ELOVL2: variants seen among roughly 807,000 people sequenced by gnomAD.
The protein encoded by ELOVL2 is very long chain fatty acid elongase 2.
Under a neutral mutation model 37.7 loss-of-function variants are expected in ELOVL2, and 38 were observed. The observed-to-expected ratio is 1.01, with a 90% CI of 0.78 to 1.32. The LOEUF is 1.32. Ranked by LOEUF, ELOVL2 falls within the 40% of genes most tolerant of loss-of-function variation. ELOVL2 has a pLI of 0.00. For synonymous variants in ELOVL2, 115 were observed against 122.3 expected (o/e 0.94, Z 0.40); for missense variants, 352 against 363.6 (o/e 0.97, Z 0.26).
intron 7 of ELOVL2, among the ~76,000 whole-genome samples, chr6:10,989,236 G>A (rs995396679): frequency 5.3e-5 from 8 of 152,204 alleles, no homozygotes; most frequent in Non-Finnish European, 1.2e-4. Flanking sequence ...TTGAGGAGGA[G>A]GGTGTGGAGA....
At chr6:11,041,899 C>T (rs1783103142) in intron 1 of ELOVL2, among the ~76,000 whole-genome samples, 1 of 152,112 alleles carries the variant, frequency 6.6e-6, no homozygotes, top group African/African-American at 2.4e-5. Context: ...AGATATCTTA[C>T]AAGACAGTTC....
intron 6 of ELOVL2, 40 bp from the exon 7 acceptor site, chr6:10,989,877 G>A (rs1383058567): frequency 6.2e-7 from 1 of 1,612,804 alleles, no homozygotes; most frequent in Non-Finnish European, 8.5e-7. Flanking sequence ...AGCGAGCCAG[G>A]CTGTGCCACA....
Position 11,005,398 on chromosome 6 carries a change from G to A in ELOVL2, c.229C>T (p.Leu77Phe). 2 of 1,613,924 alleles carry A rather than the reference G, an allele frequency of 1.2e-6. No homozygotes were observed. Among genetic ancestry groups the A allele is most frequent in the Non-Finnish European group, 1.7e-6 (2 of 1,179,976 alleles). The change falls in exon 3 of 8, where the codon CTT (leucine) becomes TTT (phenylalanine). Residue 77 changes from leucine to phenylalanine, a missense_variant. Physicochemically the swap from Leu to Phe is conservative, Grantham distance 22 (BLOSUM62 0). Coordinates refer to ENST00000354666, the MANE Select transcript of ELOVL2 (RefSeq NM_017770.4). ...ILTLYNLGIT[L>F]LSAYMLAELI... ...TCTGCCAGCATGTACGCGGAGAGAA[G>A]TGTGATTCCAAGATTATACAAGGTG...
intron 1 of ELOVL2, among the ~76,000 whole-genome samples, chr6:11,022,785 G>A (rs1782783603): frequency 6.6e-6 from 1 of 151,900 alleles, no homozygotes; most frequent in Non-Finnish European, 1.5e-5. Context: ...CAAGTTTAAG[G>A]AAACTCACTT....
At chr6:11,000,804 CA>C (rs1002228358) in intron 3 of ELOVL2, among the ~76,000 whole-genome samples, 1 of 152,192 alleles carries the variant, frequency 6.6e-6, no homozygotes, top group Non-Finnish European at 1.5e-5. Context: ...GTACCTGCTA[CA>C]TGGTAAGTGT....
intron 1 of ELOVL2, among the ~76,000 whole-genome samples, chr6:11,041,539 T>C (rs1414944097): frequency 1.3e-5 from 2 of 152,204 alleles, no homozygotes; most frequent in African/African-American, 4.8e-5. Context: ...AACAGTAAAA[T>C]ATCCTACAAA....
chr6:11,043,471 C>CACACACA (rs1554114356), intron 1 of ELOVL2: 1 of 140,560 alleles, frequency 7.1e-6, no homozygotes, highest in African/African-American at 2.8e-5. Flanking sequence ...CGGGTGAACA[C>CACACACA]ACACACACAC....
chr6:10,983,056 TG>T lies in ELOVL2; in HGVS notation c.*724del, dbSNP rs1001608544. ...CAAGAGGGAGACATGAACAGATGAA[TG>T]ATTAGGGAAACAGAGGAACAATCCT... On this transcript the variant is annotated 3_prime_UTR_variant, in exon 8 of 8. Coordinates refer to ENST00000354666, the MANE Select transcript of ELOVL2 (RefSeq NM_017770.4). 1 of 152,212 alleles carries T rather than the reference TG, an allele frequency of 6.6e-6. No homozygotes were observed. The highest frequency in any genetic ancestry group is 2.4e-5 in the African/African-American group (1 of 41,454). 9.4% of individuals were successfully genotyped at this position (152,212 alleles called of 1,614,324 possible).
intron 5 of ELOVL2, among the ~76,000 whole-genome samples, chr6:10,992,311 G>C (rs1183034024): frequency 6.6e-6 from 1 of 152,160 alleles, no homozygotes; most frequent in African/African-American, 2.4e-5. Context: ...CTGGAACAAA[G>C]TCATTTTGAC....
chr6:11,005,333 T>C (rs1477605873), intron 3 of ELOVL2, 39 bp downstream of exon 3: 1 of 1,564,334 alleles, frequency 6.4e-7, no homozygotes, highest in Non-Finnish European at 8.7e-7. Flanking sequence ...TAAAAACTGC[T>C]AGTTACTGGA....
At chr6:11,005,160 A>G (rs999230482) in intron 3 of ELOVL2, among the ~76,000 whole-genome samples, 2 of 149,748 alleles carry the variant, frequency 1.3e-5, no homozygotes, top group Non-Finnish European at 1.5e-5. Flanking sequence ...CTCCATCTCA[A>G]AAAAAAAAAG....
chr6:11,005,625 C>T, intron 2 of ELOVL2, 66 bp from the exon 3 acceptor site: 1 of 1,343,062 alleles, frequency 7.4e-7, no homozygotes, highest in East Asian at 2.4e-5. Flanking sequence ...TCAGTATTGT[C>T]ACATACATTG....
intron 1 of ELOVL2, among the ~76,000 whole-genome samples, chr6:11,033,060 G>T (rs964256396): frequency 3.1e-4 from 47 of 152,090 alleles, no homozygotes; most frequent in African/African-American, 1.1e-3. Flanking sequence ...TCTTCGACCA[G>T]TCCCTTACAC....
intron 2 of ELOVL2, among the ~76,000 whole-genome samples, chr6:11,008,305 A>G (rs1003822434): frequency 6.6e-6 from 1 of 152,198 alleles, no homozygotes; most frequent in African/African-American, 2.4e-5. Flanking sequence ...AACAACTGTA[A>G]TCCTTTCCTC....
At position 10,995,197 on chromosome 6, in the gene ELOVL2, G is replaced by A. The variant is rs1782243243; in HGVS notation, c.334-19C>T. ...TGGCTACCTATAGAAATTTGTAAAG[G>A]GGAGAAAAGGGTGAGAAATGGCAGT... On this transcript the variant is annotated intron_variant, in intron 4 of 7. Coordinates refer to ENST00000354666, the MANE Select transcript of ELOVL2 (RefSeq NM_017770.4). 1.9e-6 allele frequency: 3 copies of A among 1,565,490 alleles called. No individual in the cohort carries two copies. The highest frequency in any genetic ancestry group is 2.6e-6 in the Non-Finnish European group (3 of 1,149,116).
chr6:11,010,390 G>T (rs1026486603), intron 2 of ELOVL2, among the ~76,000 whole-genome samples: 1 of 152,196 alleles, frequency 6.6e-6, no homozygotes. Flanking sequence ...TAACTAGGAT[G>T]TAAGAAAGGT....
intron 3 of ELOVL2, among the ~76,000 whole-genome samples, chr6:11,004,094 AAAG>A (rs994761864): frequency 3.9e-5 from 6 of 152,134 alleles, no homozygotes; most frequent in Non-Finnish European, 8.8e-5. Context: ...AAAAAAAAAA[AAAG>A]TTGTCAGCAT....
Position 10,982,367 on chromosome 6 carries a change from C to T in ELOVL2, c.*1414G>A, listed in dbSNP as rs371393375. The T allele has an allele frequency of 6.6e-6, 1 of 151,928 alleles. No individual in the cohort carries two copies. The highest frequency in any genetic ancestry group is 1.9e-4 in the East Asian group (1 of 5,190). 9.4% of individuals were successfully genotyped at this position (151,928 alleles called of 1,614,324 possible). On this transcript the variant is annotated 3_prime_UTR_variant, in exon 8 of 8. Coordinates refer to ENST00000354666, the MANE Select transcript of ELOVL2 (RefSeq NM_017770.4). ...GTGGTGGAAATGCCTTTCTGGTGTG[C>T]ATGTATTTGATGTCAGTGTCAGGAC...
chr6:11,040,692 G>A (rs1376418324), intron 1 of ELOVL2, among the ~76,000 whole-genome samples: 1 of 152,122 alleles, frequency 6.6e-6, no homozygotes, highest in African/African-American at 2.4e-5. Context: ...AACTAAAATA[G>A]ATATGGGAGA....
Sources: allele counts gnomAD v4.1 joint callset (sites outside exome capture counted in the v4.1 genomes callset), GRCh38; gene constraint gnomAD v4.1.1; transcripts MANE v1.5; gene names NCBI Gene and HGNC (gene_info 2026-07-23, HGNC 2026-07-21).